Variants in CENPT observed in about 807,000 individuals in gnomAD.
CENPT encodes the protein centromere protein T.
A neutral mutation model predicts 59.7 loss-of-function variants in CENPT; 42 were observed. The ratio of observed to expected loss-of-function variants is 0.70; its 90% CI spans 0.55 to 0.91. CENPT has a LOEUF of 0.91. Ranked by LOEUF, CENPT falls within the 40% of genes least tolerant of loss-of-function variation. The pLI is 0.00. For missense variants in CENPT, 716 were observed against 713.4 expected, an observed-to-expected ratio of 1.00 and a Z score of -0.04; for synonymous variants, 295 against 289.6, an observed-to-expected ratio of 1.02 and a Z score of -0.19.
chr16:67,832,025 T>C lies in CENPT; in HGVS notation c.373A>G (p.Ser125Gly). The C allele has an allele frequency of 6.2e-7, 1 of 1,605,074 alleles. No individual in the cohort carries two copies. Among genetic ancestry groups the C allele is most frequent in the Non-Finnish European group, 8.5e-7 (1 of 1,174,208 alleles). ...AGTTCTGTGTACCTGCCGCAACTGC[T>C]CTCTTGTCTGGAGGGTTGGACCGCC... Reference protein sequence around the residue: ...PQAVQPSRQESSCGSLELQLP... With the variant: ...PQAVQPSRQEGSCGSLELQLP... Residue 125 changes from serine to glycine, a missense_variant, in exon 7 of 16, where the codon AGC becomes GGC. Ser to Gly is a moderately conservative substitution (Grantham distance 56, BLOSUM62 0). Transcript: ENST00000562787.
Position 67,832,076 on chromosome 16 carries a change from C to T in CENPT, c.322G>A (p.Val108Ile). ...PESSILMPES[V>I]VKPVPAPQAV... is the part of the protein sequence containing the mutation. ...TGCGGTGCTGGCACTGGCTTCACTA[C>T]CGACTCAGGCATCAGGATGGAAGAT... Residue 108 changes from valine (V) to isoleucine (I), a missense_variant, in exon 7 of 16, where the codon GTA becomes ATA. Transcript: ENST00000562787. The T allele has an allele frequency of 1.2e-6, 2 of 1,612,284 alleles. No homozygotes were observed. Among genetic ancestry groups the T allele is most frequent in the South Asian group, 1.1e-5 (1 of 90,888 alleles).
intron 1 of CENPT, among the ~76,000 whole-genome samples, chr16:67,837,437 A>C (rs1469713733): frequency 6.7e-6 from 1 of 149,604 alleles, no homozygotes; most frequent in Non-Finnish European, 1.5e-5. Flanking sequence ...GGCTGGGCGC[A>C]GTGGCTCACA....
intron 1 of CENPT, among the ~76,000 whole-genome samples, chr16:67,840,236 T>C (rs2151288428): frequency 6.6e-6 from 1 of 152,280 alleles, no homozygotes; most frequent in East Asian, 1.9e-4. Context: ...GAGAATGGCA[T>C]GAACCCGGGA....
rs923641449 is a variant in CENPT, at chr16:67,831,338, G to A, written c.581C>T (p.Ala194Val). 14 of 1,614,078 alleles carry A rather than the reference G, an allele frequency of 8.7e-6. No individual in the cohort carries two copies. Among genetic ancestry groups the A allele is most frequent in the Non-Finnish European group, 1.2e-5 (14 of 1,179,928 alleles). Residue 194 changes from alanine (A) to valine (V), a missense_variant, in exon 10 of 16, where the codon GCC (alanine) becomes GTC (valine). By Grantham distance (64) the Ala-to-Val change is moderately conservative. Transcript: ENST00000562787. ...SLTRSLNLTF[A>V]TPLQPQSVQR... ...CACTGACTGTGGCTGAAGAGGTGTG[G>A]CAAAGGTCAGGTTGAGGGATCTGGT... is the stretch of plus-strand genomic sequence containing the variant.
At chr16:67,839,286 G>A (rs1299710297) in intron 1 of CENPT, among the ~76,000 whole-genome samples, 1 of 151,080 alleles carries the variant, frequency 6.6e-6, no homozygotes, top group Non-Finnish European at 1.5e-5. Context: ...TTGGGAGGCT[G>A]AGGCAGGAGA....
At chr16:67,844,790 T>C (rs557988273) in intron 1 of CENPT, among the ~76,000 whole-genome samples, 2 of 152,094 alleles carry the variant, frequency 1.3e-5, no homozygotes, top group South Asian at 2.1e-4. Context: ...CTATTTTTTT[T>C]TTTTTATTTT....
At chr16:67,834,894 T>G (rs543321326) in intron 3 of CENPT, among the ~76,000 whole-genome samples, 3 of 152,112 alleles carry the variant, frequency 2.0e-5, no homozygotes, top group Non-Finnish European at 4.4e-5. Flanking sequence ...CAGGCTGGAG[T>G]GCAATGGCAC....
In CENPT at chr16:67,843,117, T is replaced by A. The variant is rs752626255; in HGVS notation, c.-492+4284A>T. The A allele has an allele frequency of 6.2e-7, 1 of 1,610,420 alleles. No homozygotes were observed. The highest frequency in any genetic ancestry group is 8.5e-7 in the Non-Finnish European group (1 of 1,179,808). On this transcript the variant is annotated intron_variant, in intron 1 of 15. Transcript: ENST00000562787. This position sits in a 1 kb window ranked among gnomAD's most constrained non-coding sequence, Gnocchi z 5.7. Reference sequence around the variant, plus strand: ...CCCACTGGAGAAGACGTGAAGCCCATCGATCTCACAGTGCAAGTGGAGTTT... The same window carrying A: ...CCCACTGGAGAAGACGTGAAGCCCAACGATCTCACAGTGCAAGTGGAGTTT...
intron 1 of CENPT, among the ~76,000 whole-genome samples, chr16:67,844,902 C>T (rs1292068626): frequency 6.6e-6 from 1 of 151,978 alleles, no homozygotes; most frequent in Non-Finnish European, 1.5e-5. Context: ...AATTCTTCTG[C>T]CTCACCCTCC....
chr16:67,828,310 A>T lies in CENPT; in HGVS notation c.1643T>A (p.Ile548Asn). The T allele has an allele frequency of 6.2e-7, 1 of 1,608,706 alleles. No homozygotes were observed. The highest frequency in any genetic ancestry group is 8.5e-7 in the Non-Finnish European group (1 of 1,175,982). ...HLPLEYRQLL[I>N]PCAYSGNSVF... Reference sequence around the variant, plus strand: ...AGAGTTGCCACTGTATGCACAGGGGATGAGCAGCTGCCGGTACTCCAGGGG... The same window carrying T: ...AGAGTTGCCACTGTATGCACAGGGGTTGAGCAGCTGCCGGTACTCCAGGGG... The change falls in exon 16 of 16, where the codon ATC becomes AAC. Residue 548 changes from isoleucine to asparagine, a missense_variant. Physicochemically the swap from Ile to Asn is moderately radical, Grantham distance 149. Transcript: ENST00000562787.
chr16:67,844,040 A>G (rs1390197405), intron 1 of CENPT: 3 of 167,264 alleles, frequency 1.8e-5, no homozygotes, highest in Non-Finnish European at 4.4e-5. Context: ...GGGGATCTGG[A>G]TGACCTGCTG....
Position 67,843,202 on chromosome 16 carries a change from A to C in CENPT, c.-492+4199T>G, listed in dbSNP as rs2057777399. 1 of 1,611,494 alleles carries C rather than the reference A, an allele frequency of 6.2e-7. No individual in the cohort carries two copies. Among genetic ancestry groups the C allele is most frequent in the Non-Finnish European group, 8.5e-7 (1 of 1,179,670 alleles). On this transcript the variant is annotated intron_variant, in intron 1 of 15. Transcript: ENST00000562787. The surrounding 1 kb of genome is among the most constrained non-coding windows in gnomAD (Gnocchi z 5.7). The stretch of plus-strand genomic sequence containing the variant: ...CGTCGGAGTTACAGGCTGCTACCGC[A>C]GGGCTGGAGGCTGCCGAGTGCCCTA...
rs1335094468 is a variant in CENPT, at chr16:67,836,058, G to GTTTTTGT, written c.-491-407_-491-401dup. Among the ~76,000 whole-genome samples the GTTTTTGT allele has an allele frequency of 6.7e-5, 10 of 148,412 alleles. No homozygotes were observed. In the South Asian group the frequency reaches 1.9e-3, roughly 29 times the overall value. ...GCGCCTGGTCTGCAGTTTTGTTTTT[G>GTTTTTGT]TTTTTGTTTTTTGTTTTTTGAGATG... is the stretch of plus-strand genomic sequence containing the variant. On this transcript the variant is annotated intron_variant, in intron 1 of 15. Transcript: ENST00000562787.
chr16:67,828,448 C>T, intron 15 of CENPT, 26 bp downstream of exon 15: 3 of 1,614,012 alleles, frequency 1.9e-6, no homozygotes, highest in Non-Finnish European at 2.5e-6. Context: ...CCCCAGCCAG[C>T]ACCCCCACAC....
chr16:67,829,352 C>T, intron 13 of CENPT, 71 bp downstream of exon 13: 3 of 1,233,436 alleles, frequency 2.4e-6, no homozygotes, highest in Non-Finnish European at 3.4e-6. Context: ...AGGGGGAGGA[C>T]CCTATGTACA....
In CENPT at chr16:67,832,106, G is replaced by A. The variant is rs201699312; in HGVS notation, c.292C>T (p.Pro98Ser). ...TCAGGCATCAGGATGGAAGATTCTG[G>A]GGCTGCAGAAACACCAAGGAGAGGG... ...TLLKNILLTAPESSILMPESV... is the reference protein window; with the variant it reads ...TLLKNILLTASESSILMPESV... The change falls in exon 7 of 16, where the codon CCA becomes TCA. Residue 98 changes from proline to serine, a missense_variant and splice_region_variant. Physicochemically the swap from Pro to Ser is moderately conservative, Grantham distance 74. Transcript: ENST00000562787. 6.8e-6 allele frequency: 11 copies of A among 1,611,476 alleles called. No individual in the cohort carries two copies. Among genetic ancestry groups the A allele is most frequent in the Non-Finnish European group, 9.3e-6 (11 of 1,178,172 alleles).
Position 67,842,902 on chromosome 16 carries a change from A to AG in CENPT, c.-492+4498_-492+4499insC. ...AGCAGCAGCAGCAGCAACAGCAGCA[A>AG]CAGCAGCAGCAGCAGCAACAGCAGC... On this transcript the variant is annotated intron_variant, in intron 1 of 15. Coordinates refer to ENST00000562787, the MANE Select transcript of CENPT (RefSeq NM_025082.4). This position sits in a 1 kb window ranked among gnomAD's most constrained non-coding sequence, Gnocchi z 4.9. 1.9e-6 allele frequency: 3 copies of AG among 1,583,134 alleles called. No homozygotes were observed. Among genetic ancestry groups the AG allele is most frequent in the Non-Finnish European group, 2.6e-6 (3 of 1,165,818 alleles).
chr16:67,829,618 C>G lies in CENPT; in HGVS notation c.1187-102G>C, dbSNP rs148223549. The G allele has an allele frequency of 7.9e-4, 1,060 of 1,340,248 alleles. 12 individuals carry two copies. In the African/African-American group the frequency reaches 0.014, roughly 17 times the overall value. The allele number at this position is 1,340,248 out of a possible 1,614,324, so 83.0% of individuals were successfully genotyped here. ...CTGTCCTGTTTCTGGTGGGCCCCAC[C>G]TAGCTCCAGCCAAGCAGGTGCCCCT... On this transcript the variant is annotated intron_variant, in intron 12 of 15. Transcript: ENST00000562787.
chr16:67,842,034 C>T lies in CENPT; in HGVS notation c.-492+5367G>A, dbSNP rs1165008138. The T allele has an allele frequency of 1.3e-5, 2 of 152,370 alleles. No individual in the cohort carries two copies. Among genetic ancestry groups the T allele is most frequent in the African/African-American group, 2.4e-5 (1 of 41,480 alleles). The allele number at this position is 152,370 out of a possible 1,614,324, so 9.4% of individuals were successfully genotyped here. On this transcript the variant is annotated intron_variant, in intron 1 of 15. Coordinates refer to ENST00000562787, the MANE Select transcript of CENPT (RefSeq NM_025082.4). This position sits in a 1 kb window ranked among gnomAD's most constrained non-coding sequence, Gnocchi z 4.9. ...TGTAGTCTCCGTGGGCATATACCCA[C>T]CGCGCTTGCGCACCGGTGAGGCGCG...
Sources: gnomAD v4.1 joint callset for allele counts (sites outside exome capture counted in the v4.1 genomes callset) on GRCh38, gnomAD v4.1.1 for gene constraint, Gnocchi (gnomAD v3.1) non-coding constraint, MANE v1.5 for transcripts, NCBI Gene and HGNC (gene_info 2026-07-23, HGNC 2026-07-21) for gene names.